The following CLEC2B variants were observed in gnomAD, a reference collection of about 807,000 sequenced individuals.
CLEC2B encodes C-type lectin domain family 2 member B.
A neutral mutation model predicts 16.2 loss-of-function variants in CLEC2B; 14 were observed. That is an observed-to-expected ratio of 0.86 (90% CI 0.57 to 1.35). CLEC2B has a LOEUF of 1.35. Among genes scored for constraint, CLEC2B ranks in the 40% most tolerant of loss-of-function variants. The probability of loss-of-function intolerance (pLI) is 0.00; values close to 1 mark genes in which losing one functional copy is unlikely to be tolerated. For synonymous variants in CLEC2B, 42 were observed against 55.8 expected, an observed-to-expected ratio of 0.75 and a Z score of 1.10; for missense variants, 166 against 182.3, an observed-to-expected ratio of 0.91 and a Z score of 0.52.
chr12:9,865,701 CTCAT>C (rs773611835), intron 1 of CLEC2B, among the ~76,000 whole-genome samples: 11 of 152,244 alleles, frequency 7.2e-5, no homozygotes, highest in Non-Finnish European at 8.8e-5. Context: ...CTGCAGAATA[CTCAT>C]TATTTTTATC....
At chr12:9,866,966 AGGAC>A (rs1867974977) in intron 1 of CLEC2B, 1 of 152,200 alleles carries the variant, frequency 6.6e-6, no homozygotes, top group Non-Finnish European at 1.5e-5. Flanking sequence ...TTAGAGTATA[AGGAC>A]TTGGTGGTGT....
At chr12:9,854,783 T>G (rs1234652750) in intron 3 of CLEC2B, 5 of 433,336 alleles carry the variant, frequency 1.2e-5, no homozygotes, top group Admixed American at 4.2e-5. Flanking sequence ...GAAAGACAAG[T>G]TTGAAATTGA....
chr12:9,863,464 G>T (rs1267256327), intron 1 of CLEC2B, among the ~76,000 whole-genome samples: 3 of 152,100 alleles, frequency 2.0e-5, no homozygotes, highest in Non-Finnish European at 2.9e-5. Flanking sequence ...CGGAATCAGA[G>T]ACAGATCTTA....
At chr12:9,857,818 G>A (rs1235470286) in intron 2 of CLEC2B, among the ~76,000 whole-genome samples, 181 bp from the exon 3 acceptor site, 1 of 152,094 alleles carries the variant, frequency 6.6e-6, no homozygotes, top group Non-Finnish European at 1.5e-5. Context: ...AATGACAGTA[G>A]TTTAAGATTT....
chr12:9,857,430 C>G, intron 3 of CLEC2B, 44 bp downstream of exon 3: 1 of 1,426,618 alleles, frequency 7.0e-7, no homozygotes, highest in Middle Eastern at 2.0e-4. Flanking sequence ...TTCTAATGCT[C>G]CGACTCAAGA....
chr12:9,857,698 G>T, intron 2 of CLEC2B, 61 bp from the exon 3 acceptor site: 1 of 1,251,786 alleles, frequency 8.0e-7, no homozygotes. Context: ...ACTGTGTTTT[G>T]AGATCACTGG....
intron 2 of CLEC2B, among the ~76,000 whole-genome samples, chr12:9,860,622 G>A (rs570276708): frequency 6.6e-6 from 1 of 151,790 alleles, no homozygotes; most frequent in East Asian, 1.9e-4. Flanking sequence ...TAATTTATAT[G>A]GCAGCTTAAA....
intron 1 of CLEC2B, among the ~76,000 whole-genome samples, chr12:9,864,183 C>G (rs937460816): frequency 2.0e-5 from 3 of 148,310 alleles, no homozygotes; most frequent in Non-Finnish European, 4.5e-5. Context: ...AAAAACCCTG[C>G]CATCTAAGAA....
chr12:9,858,982 CAT>C (rs1591769041), intron 2 of CLEC2B, among the ~76,000 whole-genome samples: 2 of 151,976 alleles, frequency 1.3e-5, no homozygotes, highest in East Asian at 3.9e-4. Flanking sequence ...CATGACAAGA[CAT>C]AAATTTTTTT....
In CLEC2B at chr12:9,852,713, A is replaced by T. The variant is rs567756097; in HGVS notation, c.*587T>A. Among the ~76,000 whole-genome samples, 1 of 152,306 alleles carries T rather than the reference A, an allele frequency of 6.6e-6. No homozygotes were observed. Among genetic ancestry groups the T allele is most frequent in the East Asian group, 1.9e-4 (1 of 5,188 alleles). ...TTGGGTAAAGCCAGTTAGCAAACAC[A>T]TACGGTGTGTGATCTCCTCCTCACC... On this transcript the variant is annotated 3_prime_UTR_variant, in exon 5 of 5. Coordinates refer to ENST00000228438, the MANE Select transcript of CLEC2B (RefSeq NM_005127.3).
intron 1 of CLEC2B, among the ~76,000 whole-genome samples, chr12:9,864,192 A>G (rs898522834): frequency 6.6e-6 from 1 of 151,656 alleles, no homozygotes; most frequent in African/African-American, 2.4e-5. Flanking sequence ...GCCATCTAAG[A>G]ATACCATATC....
At chr12:9,862,052 A>G (rs1428263245) in intron 2 of CLEC2B, among the ~76,000 whole-genome samples, 1 of 152,102 alleles carries the variant, frequency 6.6e-6, no homozygotes, top group Non-Finnish European at 1.5e-5. Context: ...GCTACCTATG[A>G]TGACATTGAA....
chr12:9,865,428 A>G (rs1867964176), intron 1 of CLEC2B, among the ~76,000 whole-genome samples: 1 of 152,210 alleles, frequency 6.6e-6, no homozygotes, highest in Admixed American at 6.5e-5. Context: ...AAAGGTTACT[A>G]TATAATGCTA....
chr12:9,864,240 G>T (rs1047027600), intron 1 of CLEC2B, among the ~76,000 whole-genome samples: 4 of 149,926 alleles, frequency 2.7e-5, no homozygotes, highest in Non-Finnish European at 5.9e-5. Flanking sequence ...AAGAGACAAT[G>T]TTTCCCAGAC....
At chr12:9,864,027 G>GA (rs1867952346) in intron 1 of CLEC2B, among the ~76,000 whole-genome samples, 1 of 151,502 alleles carries the variant, frequency 6.6e-6, no homozygotes, top group Admixed American at 6.6e-5. Flanking sequence ...AAAGGTCAAG[G>GA]AAAAAGAGAG....
intron 2 of CLEC2B, 72 bp from the exon 3 acceptor site, chr12:9,857,709 A>T: frequency 8.4e-7 from 1 of 1,187,566 alleles, no homozygotes; most frequent in Admixed American, 2.3e-5. Flanking sequence ...AGATCACTGG[A>T]CACAGGTTTT....
intron 1 of CLEC2B, among the ~76,000 whole-genome samples, chr12:9,868,017 G>A (rs1299846623): frequency 6.6e-6 from 1 of 151,288 alleles, no homozygotes; most frequent in Admixed American, 6.6e-5. Context: ...AAAACTGACT[G>A]AATTATATCA....
chr12:9,854,807 AT>A, intron 3 of CLEC2B: 1 of 405,706 alleles, frequency 2.5e-6, no homozygotes, highest in Non-Finnish European at 4.4e-6. Flanking sequence ...CTCGCACAGC[AT>A]TTCCAATTAC....
chr12:9,861,517 C>A (rs148563939), intron 2 of CLEC2B, among the ~76,000 whole-genome samples: 1 of 152,062 alleles, frequency 6.6e-6, no homozygotes, highest in Admixed American at 6.6e-5. Context: ...CTAATCTATG[C>A]GTATTCTGTG....
Sources: allele counts gnomAD v4.1 joint callset (sites outside exome capture counted in the v4.1 genomes callset), GRCh38; gene constraint gnomAD v4.1.1; transcripts MANE v1.5; gene names NCBI Gene and HGNC (gene_info 2026-07-23, HGNC 2026-07-21).